Variants in CDC73 observed in about 807,000 individuals in gnomAD.
The protein encoded by CDC73 is cell division cycle 73.
In CDC73, 21 loss-of-function variants were observed where a neutral mutation model predicts 83.7. That is an observed-to-expected ratio of 0.25 (90% CI 0.18 to 0.36). The LOEUF (loss-of-function observed/expected upper bound fraction) is 0.36. Ranked by LOEUF, CDC73 falls within the 10% of genes least tolerant of loss-of-function variation. The pLI, the probability that CDC73 is intolerant of heterozygous loss-of-function variation, is 1.00. For synonymous variants in CDC73, 224 were observed against 212.9 expected (o/e 1.05, Z -0.45); for missense variants, 342 against 653.3 (o/e 0.52, Z 5.19).
At chr1:193,192,131 A>G (rs1011468746) in intron 10 of CDC73, among the ~76,000 whole-genome samples, 2 of 152,230 alleles carry the variant, frequency 1.3e-5, no homozygotes, top group Non-Finnish European at 2.9e-5. Flanking sequence ...TAATGGCTGT[A>G]GTAGATACGA....
chr1:193,197,624 T>C (rs537586686), intron 10 of CDC73, among the ~76,000 whole-genome samples: 1 of 152,254 alleles, frequency 6.6e-6, no homozygotes, highest in East Asian at 1.9e-4. Context: ...CTTACTATGC[T>C]TTCAGTAAGT....
intron 10 of CDC73, chr1:193,180,786 A>G (rs1273663659): frequency 6.2e-7 from 1 of 1,614,134 alleles, no homozygotes; most frequent in East Asian, 2.2e-5. Context: ...TTAAATATTC[A>G]GTGTTGACAA....
chr1:193,135,883 T>C (rs1205382734), intron 5 of CDC73, among the ~76,000 whole-genome samples: 2 of 151,172 alleles, frequency 1.3e-5, no homozygotes, highest in Admixed American at 6.6e-5. Flanking sequence ...TTTTTTTTTT[T>C]TTTGAGGCAG....
chr1:193,204,809 A>G (rs1052863663), intron 11 of CDC73, among the ~76,000 whole-genome samples: 2 of 152,164 alleles, frequency 1.3e-5, no homozygotes, highest in East Asian at 1.9e-4. Context: ...TTTAAAAGCT[A>G]TTTATGTATA....
Position 193,251,048 on chromosome 1 carries a change from A to G in CDC73, c.*336A>G. ...TAGAGATTATAAGGCTCTCTGAGCC[A>G]TCTTCTGATTTTTCATTGCTCTATA... On this transcript the variant is annotated 3_prime_UTR_variant, in exon 17 of 17. Transcript: ENST00000367435. 1 of 302,772 alleles carries G rather than the reference A, an allele frequency of 3.3e-6. No individual in the cohort carries two copies. The highest frequency in any genetic ancestry group is 7.6e-5 in the South Asian group (1 of 13,152). 18.8% of individuals were successfully genotyped at this position (302,772 alleles called of 1,614,324 possible).
chr1:193,124,596 G>C (rs1265707927), intron 1 of CDC73, among the ~76,000 whole-genome samples: 1 of 152,108 alleles, frequency 6.6e-6, no homozygotes, highest in African/African-American at 2.4e-5. Context: ...ATAGCATTTT[G>C]GTTTTACATT....
At chr1:193,249,677 T>C in intron 15 of CDC73, 53 bp from the exon 16 acceptor site, 1 of 1,436,454 alleles carries the variant, frequency 7.0e-7, no homozygotes, top group Middle Eastern at 1.8e-4. Flanking sequence ...GAAATTTTTT[T>C]CTTTTTTTTT....
chr1:193,241,969 T>C (rs1677870060), intron 15 of CDC73, among the ~76,000 whole-genome samples: 1 of 152,198 alleles, frequency 6.6e-6, no homozygotes, highest in South Asian at 2.1e-4. Flanking sequence ...ATCTGGGGCA[T>C]GTGAGCTTCC....
chr1:193,163,861 C>G (rs770148789), intron 10 of CDC73, among the ~76,000 whole-genome samples: 1 of 152,098 alleles, frequency 6.6e-6, no homozygotes, highest in Non-Finnish European at 1.5e-5. Context: ...CAACTGCAAC[C>G]TCCGCTTCCC....
At chr1:193,186,739 T>G (rs1315584636) in intron 10 of CDC73, 1 of 152,158 alleles carries the variant, frequency 6.6e-6, no homozygotes, top group African/African-American at 2.4e-5. Flanking sequence ...AGATTTTGCT[T>G]TTATGTGATA....
chr1:193,245,640 G>T (rs1677941203), intron 15 of CDC73, among the ~76,000 whole-genome samples: 1 of 152,064 alleles, frequency 6.6e-6, no homozygotes, highest in Non-Finnish European at 1.5e-5. Flanking sequence ...CCTTTCATTT[G>T]GATAAATGCC....
chr1:193,226,300 C>G (rs768620093), intron 13 of CDC73, among the ~76,000 whole-genome samples: 1 of 152,070 alleles, frequency 6.6e-6, no homozygotes, highest in Non-Finnish European at 1.5e-5. Context: ...GGTCCTTGTG[C>G]CTATTTTATA....
At chr1:193,227,470 T>C (rs1677584780) in intron 13 of CDC73, among the ~76,000 whole-genome samples, 1 of 151,484 alleles carries the variant, frequency 6.6e-6, no homozygotes, top group African/African-American at 2.4e-5. Flanking sequence ...AAGACCTCGT[T>C]TCAAAAAAAA....
At chr1:193,169,830 C>T (rs1676490586) in intron 10 of CDC73, among the ~76,000 whole-genome samples, 1 of 151,404 alleles carries the variant, frequency 6.6e-6, no homozygotes, top group Non-Finnish European at 1.5e-5. Context: ...TTCAGGGGTA[C>T]ATGTGCAGGT....
intron 2 of CDC73, among the ~76,000 whole-genome samples, chr1:193,129,284 C>T (rs1675647199): frequency 6.6e-6 from 1 of 151,918 alleles, no homozygotes; most frequent in Admixed American, 6.6e-5. Context: ...GTGTGAGCCA[C>T]TGCGCCCTGC....
Position 193,252,163 on chromosome 1 carries a change from G to A in CDC73, c.*1451G>A. ...TGATATTTACAAGGCTCTTCAGAAG[G>A]GAACAGTCAGCATTTTAAATTACTA... On this transcript the variant is annotated 3_prime_UTR_variant, in exon 17 of 17. Coordinates refer to ENST00000367435, the MANE Select transcript of CDC73 (RefSeq NM_024529.5). The A allele has an allele frequency of 4.3e-6, 1 of 230,930 alleles. No homozygotes were observed. The highest frequency in any genetic ancestry group is 8.6e-6 in the Non-Finnish European group (1 of 116,600). The allele number at this position is 230,930 out of a possible 1,614,324, so 14.3% of individuals were successfully genotyped here.
intron 6 of CDC73, 25 bp downstream of exon 6, chr1:193,138,198 G>T (rs1407617502): frequency 2.1e-6 from 3 of 1,435,326 alleles, no homozygotes; most frequent in Non-Finnish European, 2.9e-6. Flanking sequence ...TAAGTAGAAA[G>T]TAGGTAGTTT....
intron 13 of CDC73, among the ~76,000 whole-genome samples, chr1:193,224,569 A>G (rs572635856): frequency 1.3e-5 from 2 of 152,306 alleles, no homozygotes; most frequent in African/African-American, 2.4e-5. Flanking sequence ...ATGCATTCAC[A>G]TATACACATA....
chr1:193,129,487 A>ATTTATTTATTTATTT (rs1553278192), intron 2 of CDC73, among the ~76,000 whole-genome samples: 2 of 142,790 alleles, frequency 1.4e-5, no homozygotes, highest in South Asian at 2.3e-4. Flanking sequence ...TTCAAAAAGA[A>ATTTATTTATTTATTT]ATTTATTTAT....
Sources: gnomAD v4.1 joint callset for allele counts (sites outside exome capture counted in the v4.1 genomes callset) on GRCh38, gnomAD v4.1.1 for gene constraint, MANE v1.5 for transcripts, NCBI Gene and HGNC (gene_info 2026-07-23, HGNC 2026-07-21) for gene names.